RBAK: variants seen among roughly 807,000 people sequenced by gnomAD.
The protein encoded by RBAK is RB associated KRAB zinc finger, also known as RB-associated KRAB zinc finger protein.
Under a neutral mutation model 65.8 loss-of-function variants are expected in RBAK, and 39 were observed. The observed-to-expected ratio is 0.59, with a 90% CI of 0.46 to 0.77. RBAK has a LOEUF of 0.77. Ranked by LOEUF, RBAK falls within the 30% of genes least tolerant of loss-of-function variation. The pLI is 0.00. For missense variants in RBAK, 884 were observed against 855.1 expected (o/e 1.03, Z -0.42); for synonymous variants, 343 against 289.7 (o/e 1.18, Z -1.87).
chr7:5,047,832 C>T (rs1788028719), intron 1 of RBAK, among the ~76,000 whole-genome samples: 1 of 151,516 alleles, frequency 6.6e-6, no homozygotes, highest in South Asian at 2.1e-4. Context: ...AGGCGGATCA[C>T]TTGAGGCCAG....
At chr7:5,047,026 T>C (rs186443508) in intron 1 of RBAK, among the ~76,000 whole-genome samples, 4 of 152,362 alleles carry the variant, frequency 2.6e-5, no homozygotes, top group Admixed American at 1.3e-4. Context: ...CCATATTTTA[T>C]ACACATTCAT....
chr7:5,049,292 T>C (rs763586510), intron 2 of RBAK, among the ~76,000 whole-genome samples: 12 of 152,188 alleles, frequency 7.9e-5, no homozygotes, highest in Non-Finnish European at 1.5e-4. Context: ...GAAGGAAACA[T>C]TGTGATCCCA....
At chr7:5,062,585 C>T (rs537376787) in intron 4 of RBAK, among the ~76,000 whole-genome samples, 7 of 152,206 alleles carry the variant, frequency 4.6e-5, no homozygotes, top group Non-Finnish European at 1.0e-4. Flanking sequence ...TCATTGATAA[C>T]ATCTTATCAG....
chr7:5,057,270 A>T (rs1778948485), intron 2 of RBAK, 25 bp from the exon 3 acceptor site: 3 of 1,613,924 alleles, frequency 1.9e-6, no homozygotes, highest in Non-Finnish European at 2.5e-6. Flanking sequence ...CGTATCTCCC[A>T]ATTCTGATCA....
chr7:5,063,378 A>T (rs1375633875), intron 4 of RBAK, among the ~76,000 whole-genome samples: 1 of 152,148 alleles, frequency 6.6e-6, no homozygotes, highest in Non-Finnish European at 1.5e-5. Context: ...CTTTTCTACC[A>T]AAGTTTGAAA....
Position 5,065,748 on chromosome 7 carries a change from G to A in RBAK, c.*147G>A, listed in dbSNP as rs2115048394. 1 of 529,704 alleles carries A rather than the reference G, an allele frequency of 1.9e-6. No homozygotes were observed. The highest frequency in any genetic ancestry group is 3.2e-5 in the East Asian group (1 of 31,128). The allele number at this position is 529,704 out of a possible 1,614,324, so 32.8% of individuals were successfully genotyped here. A position where few individuals can be genotyped will look rare whatever the true frequency, so the allele number is the denominator to read the frequency against. On this transcript the variant is annotated 3_prime_UTR_variant, in exon 5 of 5. Transcript: ENST00000396912. The surrounding 1 kb of genome is among the most constrained non-coding windows in gnomAD (Gnocchi z 5.3). ...AGTCATTTTAATCCAAATTTTCACAGAGAAGAATCCCGAAGAATGTAACAA... is the reference window on the plus strand; with the variant it reads ...AGTCATTTTAATCCAAATTTTCACAAAGAAGAATCCCGAAGAATGTAACAA...
Position 5,064,692 on chromosome 7 carries a change from A to C in RBAK, c.1236A>C (p.Arg412=). Residue 412 remains arginine (R), a synonymous_variant, in exon 5 of 5, where the codon CGA becomes CGC. Transcript: ENST00000396912. The surrounding 1 kb of genome is among the most constrained non-coding windows in gnomAD (Gnocchi z 6.3). ...ATGAATGTGGGAAATCCTACTACCG[A>C]AAGTCTACTCTGATTACACATCAGA... ...KCNECGKSYY[R]KSTLITHQRT... 7 of 1,612,090 alleles carry C rather than the reference A, an allele frequency of 4.3e-6. No homozygotes were observed. The highest frequency in any genetic ancestry group is 5.9e-6 in the Non-Finnish European group (7 of 1,178,554).
rs898569123 is a variant in RBAK at position 5,049,061 on chromosome 7, A to G, written c.15+970A>G. Among the ~76,000 whole-genome samples, 142 of 152,330 alleles carry G rather than the reference A, an allele frequency of 9.3e-4. 1 individual carries two copies. Among genetic ancestry groups the G allele is most frequent in the African/African-American group, 3.2e-3 (135 of 41,566 alleles). The stretch of plus-strand genomic sequence containing the variant: ...AAACCATATCACCATCCATGACATC[A>G]TTTGCATTCATTATAAGGAGAAACC... On this transcript the variant is annotated intron_variant, in intron 2 of 4. Transcript: ENST00000396912.
rs968712208 is a variant in RBAK, at chr7:5,067,409, C to T, written c.*1808C>T. On this transcript the variant is annotated 3_prime_UTR_variant, in exon 5 of 5. Transcript: ENST00000396912. ...AAGCAATGCCACTTCAAAGATCCCT[C>T]AAGTGCCTAGAGGGAGAAAATGAGT... 4 of 152,150 alleles carry T rather than the reference C, an allele frequency of 2.6e-5. No homozygotes were observed. The highest frequency in any genetic ancestry group is 5.9e-5 in the Non-Finnish European group (4 of 68,006). 9.4% of individuals were successfully genotyped at this position (152,150 alleles called of 1,614,324 possible).
rs1275216718 is a variant in RBAK at position 5,065,543 on chromosome 7, G to C, written c.2087G>C (p.Ser696Thr). The C allele has an allele frequency of 2.5e-6, 4 of 1,576,548 alleles. No homozygotes were observed. The South Asian group carries it at 4.7e-5, about 19-fold the overall frequency. The stretch of plus-strand genomic sequence containing the variant: ...TTCCACCACAGATCAGCCTTCAATA[G>C]CCATCAGAGAATTCATAGAAGAGGA... ...KKFHHRSAFN[S>T]HQRIHRRGNM... The change falls in exon 5 of 5, where the codon AGC (serine) becomes ACC (threonine). Residue 696 changes from serine to threonine, a missense_variant. Ser to Thr is a moderately conservative substitution (Grantham distance 58). Transcript: ENST00000396912. This position sits in a 1 kb window ranked among gnomAD's most constrained non-coding sequence, Gnocchi z 5.3.
At chr7:5,057,630 G>C (rs1778960638) in intron 3 of RBAK, 54 bp from the exon 4 acceptor site, 1 of 1,610,252 alleles carries the variant, frequency 6.2e-7, no homozygotes, top group African/African-American at 1.3e-5. Context: ...TTGTACTTCA[G>C]AGATTCTGAA....
chr7:5,055,792 C>T (rs544773520), intron 2 of RBAK, among the ~76,000 whole-genome samples: 106 of 152,084 alleles, frequency 7.0e-4, no homozygotes, highest in African/African-American at 2.3e-3. Flanking sequence ...TACTCTCTCT[C>T]GGTGATTTTA....
At chr7:5,057,205 T>C in intron 2 of RBAK, 90 bp from the exon 3 acceptor site, 1 of 1,601,040 alleles carries the variant, frequency 6.2e-7, no homozygotes, top group Admixed American at 1.7e-5. Flanking sequence ...TATACAATGT[T>C]TATGGTTAAC....
intron 4 of RBAK, among the ~76,000 whole-genome samples, chr7:5,061,447 C>CTTTTTTT (rs199823841): frequency 2.6e-5 from 3 of 113,656 alleles, no homozygotes; most frequent in African/African-American, 3.5e-5. Flanking sequence ...TTTTGTTTTT[C>CTTTTTTT]TTTTTCTTTT....
intron 2 of RBAK, among the ~76,000 whole-genome samples, chr7:5,050,492 T>C (rs1354696966): frequency 6.6e-6 from 1 of 152,204 alleles, no homozygotes; most frequent in African/African-American, 2.4e-5. Flanking sequence ...GACTGTTGAT[T>C]ATTGCTGTGA....
chr7:5,053,183 C>T (rs1032990556), intron 2 of RBAK, among the ~76,000 whole-genome samples: 1 of 152,210 alleles, frequency 6.6e-6, no homozygotes, highest in Non-Finnish European at 1.5e-5. Context: ...GCCTCAAGGA[C>T]TTTCTTTAAC....
chr7:5,057,074 T>A (rs1583457410), intron 2 of RBAK: 7 of 205,690 alleles, frequency 3.4e-5, no homozygotes, highest in South Asian at 3.4e-4. Flanking sequence ...ATATATATAT[T>A]TTTTATATAT....
chr7:5,059,400 A>G (rs1234746133), intron 4 of RBAK, among the ~76,000 whole-genome samples: 1 of 151,738 alleles, frequency 6.6e-6, no homozygotes, highest in African/African-American at 2.4e-5. Flanking sequence ...GGCTCACTGC[A>G]GCCTCCCCCT....
In RBAK at chr7:5,064,982, A is replaced by G; in HGVS notation, c.1526A>G (p.Lys509Arg). 1.2e-6 allele frequency: 2 copies of G among 1,614,142 alleles called. No homozygotes were observed. The highest frequency in any genetic ancestry group is 1.7e-6 in the Non-Finnish European group (2 of 1,179,978). The change falls in exon 5 of 5, where the codon AAA becomes AGA. Residue 509 changes from lysine to arginine, a missense_variant. Coordinates refer to ENST00000396912, the MANE Select transcript of RBAK (RefSeq NM_021163.4). The surrounding 1 kb of genome is among the most constrained non-coding windows in gnomAD (Gnocchi z 6.3). ...CATCATACAGCTCATTTAGAAGAGAAACCCTATGAATGTAATGAATGTGGG... is the reference window on the plus strand; with the variant it reads ...CATCATACAGCTCATTTAGAAGAGAGACCCTATGAATGTAATGAATGTGGG... Reference protein sequence around the residue: ...TDHHTAHLEEKPYECNECGKT... With the variant: ...TDHHTAHLEERPYECNECGKT...
Sources: allele counts gnomAD v4.1 joint callset (sites outside exome capture counted in the v4.1 genomes callset), GRCh38; gene constraint gnomAD v4.1.1; non-coding constraint Gnocchi (gnomAD v3.1); transcripts MANE v1.5; gene names NCBI Gene and HGNC (gene_info 2026-07-23, HGNC 2026-07-21).